SH3GLB1: variants seen among roughly 807,000 people sequenced by gnomAD.
SH3GLB1 encodes endophilin-B1.
SH3GLB1 carries 17 observed loss-of-function variants against 42.0 expected under a neutral mutation model. That is an observed-to-expected ratio of 0.40 (90% CI 0.28 to 0.61). SH3GLB1 has a LOEUF of 0.61. Among genes scored for constraint, SH3GLB1 ranks in the 20% least tolerant of loss-of-function variants. SH3GLB1 has a pLI of 0.36. For missense variants in SH3GLB1, 355 were observed against 426.3 expected, an observed-to-expected ratio of 0.83 and a Z score of 1.47; for synonymous variants, 132 against 146.6, an observed-to-expected ratio of 0.90 and a Z score of 0.72.
intron 5 of SH3GLB1, among the ~76,000 whole-genome samples, chr1:86,729,788 A>G (rs1558322792): frequency 6.6e-6 from 1 of 152,046 alleles, no homozygotes; most frequent in Non-Finnish European, 1.5e-5. Flanking sequence ...ATTTAGTCCA[A>G]ATCTCTAATT....
intron 2 of SH3GLB1, among the ~76,000 whole-genome samples, chr1:86,719,007 G>A (rs1019553642): frequency 2.6e-5 from 4 of 152,184 alleles, no homozygotes. Context: ...TTAAGCGCCT[G>A]TGTCTATATT....
Position 86,743,921 on chromosome 1 carries a change from A to G in SH3GLB1, c.*686A>G, listed in dbSNP as rs911686934. The G allele has an allele frequency of 6.6e-6, 1 of 152,640 alleles. No individual in the cohort carries two copies. Among genetic ancestry groups the G allele is most frequent in the Admixed American group, 6.5e-5 (1 of 15,284 alleles). The allele number at this position is 152,640 out of a possible 1,614,324, so 9.5% of individuals were successfully genotyped here. ...CTGATAAATTTGTAGTTAAGGTTCT[A>G]GAAAATCTAGGACAAATTTACTTCA... On this transcript the variant is annotated 3_prime_UTR_variant, in exon 9 of 9. Transcript: ENST00000370558.
At chr1:86,734,939 G>T in intron 6 of SH3GLB1, 140 bp from the exon 7 acceptor site, 1 of 677,210 alleles carries the variant, frequency 1.5e-6, no homozygotes. Flanking sequence ...ATTCACGAAG[G>T]CCAATCTTAA....
At position 86,742,308 on chromosome 1, in the gene SH3GLB1, A is replaced by C; in HGVS notation, c.862A>C (p.Ser288Arg). The C allele has an allele frequency of 6.2e-7, 1 of 1,614,166 alleles. No individual in the cohort carries two copies. Among genetic ancestry groups the C allele is most frequent in the Non-Finnish European group, 8.5e-7 (1 of 1,180,024 alleles). Residue 288 changes from serine to arginine, a missense_variant, in exon 8 of 9, where the codon AGT (serine) becomes CGT (arginine). Physicochemically the swap from Ser to Arg is moderately radical, Grantham distance 110. Transcript: ENST00000370558. ...TGGTTCTTCTGCCATGGCTTCAACA[A>C]GTGGCCTAGTAATCACCTCTCCTTC... is the stretch of plus-strand genomic sequence containing the variant. ...AIGSSAMASTSGLVITSPSNL... is the reference protein window; with the variant it reads ...AIGSSAMASTRGLVITSPSNL...
At chr1:86,722,756 C>A in intron 4 of SH3GLB1, 83 bp downstream of exon 4, 1 of 1,156,970 alleles carries the variant, frequency 8.6e-7, no homozygotes, top group Non-Finnish European at 1.2e-6. Context: ...CTCTTAATGA[C>A]TGTGTAGATG....
chr1:86,722,438 A>G (rs973010371), intron 3 of SH3GLB1, 102 bp from the exon 4 acceptor site: 3 of 1,023,498 alleles, frequency 2.9e-6, no homozygotes, highest in African/African-American at 3.3e-5. Flanking sequence ...CAAGCAAGTT[A>G]CAGCTAACTT....
chr1:86,725,969 TA>T (rs1276992091), intron 5 of SH3GLB1, among the ~76,000 whole-genome samples: 1 of 152,138 alleles, frequency 6.6e-6, no homozygotes, highest in African/African-American at 2.4e-5. Flanking sequence ...AAAACTTCCC[TA>T]AACAGACTAT....
intron 1 of SH3GLB1, among the ~76,000 whole-genome samples, chr1:86,715,492 A>G (rs926926905): frequency 6.6e-6 from 1 of 152,190 alleles, no homozygotes; most frequent in Non-Finnish European, 1.5e-5. Flanking sequence ...CATACATTTT[A>G]GCAGAACTAA....
chr1:86,740,133 G>A (rs374000360), intron 7 of SH3GLB1, among the ~76,000 whole-genome samples: 2 of 147,934 alleles, frequency 1.4e-5, no homozygotes, highest in East Asian at 1.9e-4. Flanking sequence ...CTGGGCAAAA[G>A]GAATGAACTC....
intron 1 of SH3GLB1, among the ~76,000 whole-genome samples, chr1:86,714,684 G>A (rs1379130595): frequency 1.3e-5 from 2 of 152,168 alleles, no homozygotes; most frequent in Non-Finnish European, 2.9e-5. Flanking sequence ...GAAACGAAAG[G>A]AGAGAAAGGC....
chr1:86,739,351 A>G (rs1485400023), intron 7 of SH3GLB1, among the ~76,000 whole-genome samples: 1 of 152,208 alleles, frequency 6.6e-6, no homozygotes, highest in Non-Finnish European at 1.5e-5. Flanking sequence ...GTGAGGTAAA[A>G]TGGAAACTAA....
intron 7 of SH3GLB1, among the ~76,000 whole-genome samples, chr1:86,735,499 G>A (rs899309980): frequency 5.3e-5 from 8 of 152,032 alleles, no homozygotes; most frequent in African/African-American, 1.9e-4. Flanking sequence ...TAAATTGACA[G>A]TTACCCTTAA....
rs777152064 is a variant in SH3GLB1 at position 86,719,565 on chromosome 1, A to G, written c.273A>G (p.Ile91Met). ...EKLDRKAPSR[I>M]NNPELLGQYM... ...TGGATAGAAAAGCTCCAAGTCGTAT[A>G]AACAACCCAGAACTTTTGGGACAAT... Residue 91 changes from isoleucine to methionine, a missense_variant, in exon 3 of 9, where the codon ATA becomes ATG. Coordinates refer to ENST00000370558, the MANE Select transcript of SH3GLB1 (RefSeq NM_016009.5). 1.2e-6 allele frequency: 2 copies of G among 1,611,290 alleles called. No homozygotes were observed. The highest frequency in any genetic ancestry group is 8.5e-7 in the Non-Finnish European group (1 of 1,178,576).
At position 86,724,874 on chromosome 1, in the gene SH3GLB1, T is replaced by TAAAAAAAA. The variant is rs1165438979; in HGVS notation, c.570+481_570+488dup. On this transcript the variant is annotated intron_variant, in intron 5 of 8. Coordinates refer to ENST00000370558, the MANE Select transcript of SH3GLB1 (RefSeq NM_016009.5). ...GGGCAACAGAGCCAGACCCTGTCTT[T>TAAAAAAAA]AAAAAAAAAAAAAAAAAAATATATA... Among the ~76,000 whole-genome samples, 118 of 97,888 alleles carry TAAAAAAAA rather than the reference T, an allele frequency of 1.2e-3. 3 individuals carry two copies. The highest frequency in any genetic ancestry group is 4.8e-3 in the African/African-American group (98 of 20,256). The allele number at this position is 97,888 out of a possible 152,430, so 64.2% of individuals were successfully genotyped here. A position where few individuals can be genotyped will look rare whatever the true frequency, so the allele number is the denominator to read the frequency against.
chr1:86,735,658 C>A (rs769300204), intron 7 of SH3GLB1, among the ~76,000 whole-genome samples: 1 of 152,134 alleles, frequency 6.6e-6, no homozygotes, highest in Non-Finnish European at 1.5e-5. Context: ...ATGTAAAACA[C>A]AAAGCTCAAT....
intron 7 of SH3GLB1, among the ~76,000 whole-genome samples, chr1:86,739,284 G>T (rs1035920751): frequency 2.0e-5 from 3 of 152,174 alleles, no homozygotes; most frequent in African/African-American, 7.2e-5. Context: ...GATCCCTGAA[G>T]TACTCTAGCA....
intron 7 of SH3GLB1, among the ~76,000 whole-genome samples, chr1:86,740,973 GATAAT>G (rs1558339901): frequency 6.6e-6 from 1 of 151,922 alleles, no homozygotes; most frequent in African/African-American, 2.4e-5. Context: ...GGGAAGGAAA[GATAAT>G]ATGATAAAAT....
In SH3GLB1 at chr1:86,744,453, A is replaced by G. The variant is rs1265663425; in HGVS notation, c.*1218A>G. 6.6e-6 allele frequency: 1 copy of G among 152,220 alleles called. No individual in the cohort carries two copies. Among genetic ancestry groups the G allele is most frequent in the Non-Finnish European group, 1.5e-5 (1 of 68,040 alleles). The allele number at this position is 152,220 out of a possible 1,614,324, so 9.4% of individuals were successfully genotyped here. A position where few individuals can be genotyped will look rare whatever the true frequency, so the allele number is the denominator to read the frequency against. ...ACAGAAAATTAAGCAATTATCCTAT[A>G]GTAGGATTCGTGGTGTGATGGGGAA... On this transcript the variant is annotated 3_prime_UTR_variant, in exon 9 of 9. Transcript: ENST00000370558.
chr1:86,715,989 G>T (rs1204774807), intron 2 of SH3GLB1, 124 bp downstream of exon 2: 1 of 937,584 alleles, frequency 1.1e-6, no homozygotes. Flanking sequence ...AGGTCAGTGG[G>T]TTTTTTTGTG....
Sources: gnomAD v4.1 joint callset for allele counts (sites outside exome capture counted in the v4.1 genomes callset) on GRCh38, gnomAD v4.1.1 for gene constraint, MANE v1.5 for transcripts, NCBI Gene and HGNC (gene_info 2026-07-23, HGNC 2026-07-21) for gene names.